Variants in OTUD7A observed in about 807,000 individuals in gnomAD.
OTUD7A encodes OTU deubiquitinase 7A.
OTUD7A carries 12 observed loss-of-function variants against 65.7 expected under a neutral mutation model. The observed-to-expected ratio is 0.18, with a 90% CI of 0.12 to 0.30. The LOEUF (loss-of-function observed/expected upper bound fraction) is 0.30. Among genes scored for constraint, OTUD7A ranks in the 10% least tolerant of loss-of-function variants. The pLI, the probability that OTUD7A is intolerant of heterozygous loss-of-function variation, is 1.00. For missense variants in OTUD7A, 1,148 were observed against 1,304.8 expected (o/e 0.88, Z 1.85); for synonymous variants, 641 against 586.3 (o/e 1.09, Z -1.35).
At chr15:31,672,673 C>T (rs8027168) in intron 1 of OTUD7A, among the ~76,000 whole-genome samples, 7,168 of 152,292 alleles carry the variant, frequency 0.047, 328 homozygotes, top group African/African-American at 0.12. Flanking sequence ...CATCCCTTTA[C>T]AATGGAACGG....
In OTUD7A at chr15:31,591,029, G is replaced by T. The variant is rs148236231; in HGVS notation, c.152-20832C>A. Among the ~76,000 whole-genome samples, 81 of 152,282 alleles carry T rather than the reference G, an allele frequency of 5.3e-4. No individual in the cohort carries two copies. The East Asian group carries it at 0.014, about 26-fold the overall frequency. On this transcript the variant is annotated intron_variant, in intron 3 of 12. Transcript: ENST00000307050. ...ACAACTGTCATGGACTGGGATGACT[G>T]AGAGGTATTGCAGAGGAGCCAGGGG...
chr15:31,557,947 A>C (rs549029769), intron 5 of OTUD7A: 31 of 152,260 alleles, frequency 2.0e-4, no homozygotes, highest in African/African-American at 7.0e-4. Context: ...CCACGGACCA[A>C]GCCTTGGAAG....
chr15:31,554,478 C>T (rs1016527293), intron 5 of OTUD7A, among the ~76,000 whole-genome samples: 1 of 152,206 alleles, frequency 6.6e-6, no homozygotes, highest in African/African-American at 2.4e-5. Context: ...GGGCCTCAAG[C>T]CAGGGTCGGG....
At chr15:31,724,405 T>C (rs1056704065) in intron 1 of OTUD7A, among the ~76,000 whole-genome samples, 11 of 152,260 alleles carry the variant, frequency 7.2e-5, no homozygotes, top group East Asian at 5.8e-4. Flanking sequence ...GAAGTAACAT[T>C]TGCAAATGGT....
At chr15:31,819,706 T>C (rs1208589243) in intron 1 of OTUD7A, among the ~76,000 whole-genome samples, 1 of 151,970 alleles carries the variant, frequency 6.6e-6, no homozygotes, top group Non-Finnish European at 1.5e-5. Context: ...TACTTACATA[T>C]ACATACTTAT....
chr15:31,658,060 G>A (rs1020381332), intron 1 of OTUD7A, among the ~76,000 whole-genome samples: 3 of 152,114 alleles, frequency 2.0e-5, no homozygotes, highest in African/African-American at 7.2e-5. Context: ...CGTTGGCCCT[G>A]GAATCAGTCT....
At chr15:31,593,795 A>G (rs1462990178) in intron 3 of OTUD7A, among the ~76,000 whole-genome samples, 1 of 152,208 alleles carries the variant, frequency 6.6e-6, no homozygotes, top group Non-Finnish European at 1.5e-5. Context: ...AAATAAATGA[A>G]TTCAGTGGCT....
chr15:31,567,061 G>A (rs982656690), intron 4 of OTUD7A, among the ~76,000 whole-genome samples: 1 of 152,248 alleles, frequency 6.6e-6, no homozygotes, highest in Admixed American at 6.5e-5. Context: ...AGCAACTTTG[G>A]AACTGGGTAA....
chr15:31,528,170 G>A (rs372779983), intron 6 of OTUD7A, among the ~76,000 whole-genome samples: 69 of 152,358 alleles, frequency 4.5e-4, no homozygotes, highest in African/African-American at 1.6e-3. Flanking sequence ...GGATAGCCAC[G>A]AGGCTGGCAC....
intron 8 of OTUD7A, among the ~76,000 whole-genome samples, chr15:31,516,719 C>T (rs1473846598): frequency 6.6e-6 from 1 of 152,164 alleles, no homozygotes; most frequent in African/African-American, 2.4e-5. Flanking sequence ...TTTAAATGGA[C>T]CATTCAGACA....
chr15:31,564,741 TC>T (rs1313128258), intron 4 of OTUD7A, among the ~76,000 whole-genome samples: 1 of 152,034 alleles, frequency 6.6e-6, no homozygotes, highest in African/African-American at 2.4e-5. Flanking sequence ...AGACAGAGAT[TC>T]TTGGATTGGA....
intron 1 of OTUD7A, among the ~76,000 whole-genome samples, chr15:31,741,093 A>C (rs1332998224): frequency 6.6e-6 from 1 of 152,220 alleles, no homozygotes; most frequent in Non-Finnish European, 1.5e-5. Context: ...AATATTTATC[A>C]TACTCTGAGC....
chr15:31,831,124 G>C (rs1503000), intron 1 of OTUD7A, among the ~76,000 whole-genome samples: 142,500 of 152,254 alleles, frequency 0.94, 67,405 homozygotes, highest in East Asian at 1. Context: ...AAAGAAACTT[G>C]AATCCCTACC....
intron 8 of OTUD7A, among the ~76,000 whole-genome samples, chr15:31,506,233 ATTATAT>A (rs543118855): frequency 2.4e-3 from 367 of 151,308 alleles, no homozygotes; most frequent in Non-Finnish European, 3.5e-3. Flanking sequence ...TTTTGCTGAT[ATTATAT>A]TTAAAGCTTT....
chr15:31,519,650 C>T (rs899401800), intron 8 of OTUD7A, among the ~76,000 whole-genome samples: 3 of 152,196 alleles, frequency 2.0e-5, no homozygotes, highest in South Asian at 2.1e-4. Context: ...GTACCCACAG[C>T]GCAGTCAGGC....
At chr15:31,598,069 C>T (rs192833069) in intron 3 of OTUD7A, among the ~76,000 whole-genome samples, 3 of 152,274 alleles carry the variant, frequency 2.0e-5, no homozygotes, top group African/African-American at 4.8e-5. Context: ...CCGGGAGAGC[C>T]TGGGAGTTCT....
At position 31,659,037 on chromosome 15, in the gene OTUD7A, GAATGAATA is replaced by G. The variant is rs1191589065; in HGVS notation, c.-99-1968_-99-1961del. On this transcript the variant is annotated intron_variant, in intron 1 of 12. Transcript: ENST00000307050. Reference sequence around the variant, plus strand: ...TGAATGAATGAATGAATGAATGAATGAATGAATAAATAAATAAATAAATAAATAAATAA... The same window carrying G: ...TGAATGAATGAATGAATGAATGAATGAATAAATAAATAAATAAATAAATAA... 8.5e-3 allele frequency among the ~76,000 whole-genome samples: 1,012 copies of G among 118,442 alleles called. 10 individuals are homozygous for G. The highest frequency in any genetic ancestry group is 0.013 in the East Asian group (58 of 4,584). 77.7% of individuals were successfully genotyped at this position (118,442 alleles called of 152,430 possible). A position where few individuals can be genotyped will look rare whatever the true frequency, so the allele number is the denominator to read the frequency against.
intron 3 of OTUD7A, among the ~76,000 whole-genome samples, chr15:31,620,053 A>C (rs1289912601): frequency 1.3e-5 from 2 of 152,216 alleles, no homozygotes; most frequent in Non-Finnish European, 2.9e-5. Flanking sequence ...GGTTCTGTTT[A>C]TATGCTGGAT....
intron 3 of OTUD7A, among the ~76,000 whole-genome samples, chr15:31,652,048 A>C (rs1891856146): frequency 6.6e-6 from 1 of 152,106 alleles, no homozygotes; most frequent in Non-Finnish European, 1.5e-5. Context: ...AAAAAGAAGA[A>C]TAAATTTAGA....
Sources: gnomAD v4.1 joint callset for allele counts (sites outside exome capture counted in the v4.1 genomes callset) on GRCh38, gnomAD v4.1.1 for gene constraint, MANE v1.5 for transcripts, NCBI Gene and HGNC (gene_info 2026-07-23, HGNC 2026-07-21) for gene names.